Variants in FRS2 observed in about 807,000 individuals in gnomAD.
The protein encoded by FRS2 is fibroblast growth factor receptor substrate 2.
In FRS2, 8 loss-of-function variants were observed where a neutral mutation model predicts 43.9. The ratio of observed to expected loss-of-function variants is 0.18; its 90% CI spans 0.11 to 0.33. The LOEUF is 0.33. Among genes scored for constraint, FRS2 ranks in the 10% least tolerant of loss-of-function variants. The pLI, the probability that FRS2 is intolerant of heterozygous loss-of-function variation, is 1.00. For synonymous variants in FRS2, 219 were observed against 220.3 expected, an observed-to-expected ratio of 0.99 and a Z score of 0.05; for missense variants, 534 against 627.6, an observed-to-expected ratio of 0.85 and a Z score of 1.59.
intron 1 of FRS2, among the ~76,000 whole-genome samples, chr12:69,506,278 TTTG>T (rs1177543021): frequency 6.6e-6 from 1 of 152,178 alleles, no homozygotes. Context: ...TTTTTTGTTT[TTTG>T]TTTTTTCCCC....
chr12:69,497,511 C>T (rs1873016767), intron 1 of FRS2, among the ~76,000 whole-genome samples: 1 of 152,146 alleles, frequency 6.6e-6, no homozygotes, highest in African/African-American at 2.4e-5. Flanking sequence ...GCACTAATCC[C>T]ATTCATGAGA....
At chr12:69,540,042 A>G (rs1877734818) in intron 3 of FRS2, among the ~76,000 whole-genome samples, 1 of 151,950 alleles carries the variant, frequency 6.6e-6, no homozygotes, top group African/African-American at 2.4e-5. Flanking sequence ...TCATGATGTC[A>G]GGAGATTGAG....
chr12:69,567,950 G>A (rs1048082721), intron 4 of FRS2, among the ~76,000 whole-genome samples: 5 of 152,186 alleles, frequency 3.3e-5, no homozygotes, highest in African/African-American at 9.6e-5. Context: ...GAGAGCCACT[G>A]AATAATTTTC....
chr12:69,536,357 C>T (rs1877307624), intron 3 of FRS2, among the ~76,000 whole-genome samples: 1 of 151,692 alleles, frequency 6.6e-6, no homozygotes, highest in Non-Finnish European at 1.5e-5. Context: ...TTCCTGACCT[C>T]AGGTGATCGC....
At chr12:69,533,743 G>A (rs1877022708) in intron 3 of FRS2, among the ~76,000 whole-genome samples, 1 of 152,080 alleles carries the variant, frequency 6.6e-6, no homozygotes, top group African/African-American at 2.4e-5. Flanking sequence ...GATGAAATGA[G>A]CAATTTGATC....
chr12:69,498,595 T>C (rs1352059711), intron 1 of FRS2, among the ~76,000 whole-genome samples: 1 of 151,716 alleles, frequency 6.6e-6, no homozygotes, highest in Non-Finnish European at 1.5e-5. Flanking sequence ...TCATCAGCTC[T>C]TGTTAGTGTA....
chr12:69,477,748 A>G (rs866905021), intron 1 of FRS2, among the ~76,000 whole-genome samples: 1 of 127,844 alleles, frequency 7.8e-6, no homozygotes, highest in Non-Finnish European at 1.8e-5. Context: ...TTATTTATTT[A>G]TTTATTTTTT....
intron 4 of FRS2, among the ~76,000 whole-genome samples, chr12:69,567,921 T>C (rs931591707): frequency 1.3e-5 from 2 of 152,240 alleles, no homozygotes; most frequent in African/African-American, 4.8e-5. Flanking sequence ...GAGTTTATAC[T>C]GTTAAACTGA....
intron 1 of FRS2, among the ~76,000 whole-genome samples, chr12:69,520,999 G>A (rs2135610298): frequency 6.6e-6 from 1 of 152,156 alleles, no homozygotes; most frequent in Middle Eastern, 3.4e-3. Context: ...GGGCAGTGTG[G>A]CCATTTTAAC....
chr12:69,518,135 G>A (rs1875241761), intron 1 of FRS2, among the ~76,000 whole-genome samples: 1 of 152,196 alleles, frequency 6.6e-6, no homozygotes. Context: ...AACAGGTATA[G>A]CTTGTCTTGA....
At chr12:69,483,975 T>C (rs1039213257) in intron 1 of FRS2, among the ~76,000 whole-genome samples, 1 of 152,236 alleles carries the variant, frequency 6.6e-6, no homozygotes, top group East Asian at 1.9e-4. Flanking sequence ...GTTGTGGTTT[T>C]AGAGTGCATT....
intron 1 of FRS2, among the ~76,000 whole-genome samples, chr12:69,515,202 T>C (rs1166188373): frequency 1.3e-5 from 2 of 152,250 alleles, no homozygotes; most frequent in Non-Finnish European, 2.9e-5. Flanking sequence ...TAATGTCTTT[T>C]CTGTCCTGAT....
chr12:69,487,880 G>A (rs536919151), intron 1 of FRS2, among the ~76,000 whole-genome samples: 8 of 152,330 alleles, frequency 5.3e-5, no homozygotes, highest in African/African-American at 1.9e-4. Context: ...CTCTTTGAGA[G>A]ATTGAAGACT....
At chr12:69,509,338 T>C (rs1467504601) in intron 1 of FRS2, among the ~76,000 whole-genome samples, 8 of 152,212 alleles carry the variant, frequency 5.3e-5, no homozygotes, top group Non-Finnish European at 2.9e-5. Flanking sequence ...GCCAGTCATA[T>C]GGTTTCCAGC....
At chr12:69,507,956 A>G (rs183602356) in intron 1 of FRS2, among the ~76,000 whole-genome samples, 382 of 142,178 alleles carry the variant, frequency 2.7e-3, no homozygotes, top group Non-Finnish European at 4.2e-3. Context: ...CCCAGGAGGC[A>G]GAGGTTGTGG....
At chr12:69,487,393 G>T (rs1274151331) in intron 1 of FRS2, among the ~76,000 whole-genome samples, 1 of 152,188 alleles carries the variant, frequency 6.6e-6, no homozygotes, top group East Asian at 1.9e-4. Flanking sequence ...AAGAATGATG[G>T]TAAATCTACT....
chr12:69,524,757 C>T (rs1040328731), intron 1 of FRS2, among the ~76,000 whole-genome samples: 2 of 152,190 alleles, frequency 1.3e-5, no homozygotes, highest in Admixed American at 1.3e-4. Flanking sequence ...AGACTTGGCA[C>T]AGGCTGGAGT....
intron 1 of FRS2, among the ~76,000 whole-genome samples, chr12:69,525,753 T>G (rs1209475133): frequency 1.3e-5 from 2 of 152,138 alleles, no homozygotes; most frequent in Admixed American, 6.5e-5. Flanking sequence ...GTGGTATGTG[T>G]TTTTTTAAAA....
At chr12:69,524,520 G>A (rs2135629904) in intron 1 of FRS2, among the ~76,000 whole-genome samples, 1 of 152,110 alleles carries the variant, frequency 6.6e-6, no homozygotes, top group Middle Eastern at 3.4e-3. Context: ...AGGTACCTGG[G>A]GGCTGCACTG....
Sources: allele counts gnomAD v4.1 joint callset (sites outside exome capture counted in the v4.1 genomes callset), GRCh38; gene constraint gnomAD v4.1.1; transcripts MANE v1.5; gene names NCBI Gene and HGNC (gene_info 2026-07-23, HGNC 2026-07-21).